The following DOCK3 variants were observed in gnomAD, a reference collection of about 807,000 sequenced individuals.
DOCK3 encodes the protein dedicator of cytokinesis protein 3.
In DOCK3, 60 loss-of-function variants were observed where a neutral mutation model predicts 265.6. The observed-to-expected ratio is 0.23, with a 90% CI of 0.18 to 0.28. DOCK3 has a LOEUF of 0.28. Ranked by LOEUF, DOCK3 falls within the 10% of genes least tolerant of loss-of-function variation. DOCK3 has a pLI of 1.00. For missense variants in DOCK3, 1,981 were observed against 2,594.3 expected (o/e 0.76, Z 5.14); for synonymous variants, 881 against 938.0 (o/e 0.94, Z 1.11).
At chr3:51,041,165 TA>T (rs1318018130) in intron 5 of DOCK3, among the ~76,000 whole-genome samples, 4 of 9,386 alleles carry the variant, frequency 4.3e-4, no homozygotes, top group East Asian at 5.9e-3. Flanking sequence ...ACAAAATGTA[TA>T]TATATATATA....
At chr3:50,919,100 G>A (rs990492385) in intron 4 of DOCK3, among the ~76,000 whole-genome samples, 24 of 152,108 alleles carry the variant, frequency 1.6e-4, no homozygotes, top group African/African-American at 2.9e-4. Flanking sequence ...TGAGGGCTCT[G>A]TTCTGTTCCA....
At chr3:51,010,963 C>T (rs750326040) in intron 5 of DOCK3, among the ~76,000 whole-genome samples, 5 of 152,166 alleles carry the variant, frequency 3.3e-5, no homozygotes, top group Non-Finnish European at 5.9e-5. Flanking sequence ...TCTCTTCTCG[C>T]TTGTGGGGTT....
intron 9 of DOCK3, among the ~76,000 whole-genome samples, chr3:51,126,944 C>T (rs2084292071): frequency 6.6e-6 from 1 of 151,970 alleles, no homozygotes; most frequent in Non-Finnish European, 1.5e-5. Flanking sequence ...CTGTTGTTCC[C>T]CTCTGTGGTA....
Position 51,028,793 on chromosome 3 carries a change from A to G in DOCK3, c.316-35655A>G, listed in dbSNP as rs543117124. Among the ~76,000 whole-genome samples the G allele has an allele frequency of 5.3e-5, 8 of 151,956 alleles. 1 individual carries two copies. Among genetic ancestry groups the G allele is most frequent in the Admixed American group, 5.2e-4 (8 of 15,272 alleles). On this transcript the variant is annotated intron_variant, in intron 5 of 52. Coordinates refer to ENST00000266037, the MANE Select transcript of DOCK3 (RefSeq NM_004947.5). ...GTTTGGTTCTTTTTTTAATATAGCT[A>G]TGTTGTCTTTCATATCTTGATCATT...
At chr3:51,261,668 A>G (rs2079854556) in intron 23 of DOCK3, among the ~76,000 whole-genome samples, 1 of 152,176 alleles carries the variant, frequency 6.6e-6, no homozygotes, top group Admixed American at 6.5e-5. Flanking sequence ...ACTGGCTTGA[A>G]ATTCTCACTG....
At chr3:51,010,238 A>G (rs1268676760) in intron 5 of DOCK3, among the ~76,000 whole-genome samples, 1 of 152,060 alleles carries the variant, frequency 6.6e-6, no homozygotes, top group Non-Finnish European at 1.5e-5. Flanking sequence ...TCCCATTATT[A>G]CTGTGTGGGA....
At chr3:51,119,356 C>T (rs1012670824) in intron 9 of DOCK3, among the ~76,000 whole-genome samples, 2 of 152,182 alleles carry the variant, frequency 1.3e-5, no homozygotes, top group African/African-American at 4.8e-5. Flanking sequence ...ATGGGCTTCT[C>T]TTTGTGGATA....
At chr3:50,852,990 T>C (rs945750386) in intron 3 of DOCK3, among the ~76,000 whole-genome samples, 11 of 152,208 alleles carry the variant, frequency 7.2e-5, no homozygotes, top group Non-Finnish European at 1.3e-4. Flanking sequence ...ACCAGGGTAA[T>C]TGGGATATAT....
At chr3:50,919,449 C>T (rs557294214) in intron 4 of DOCK3, among the ~76,000 whole-genome samples, 13 of 152,194 alleles carry the variant, frequency 8.5e-5, no homozygotes, top group Non-Finnish European at 4.4e-5. Context: ...GTTTGTAGTT[C>T]TCTTTGAAGA....
intron 2 of DOCK3, chr3:50,788,198 C>T (rs2042284083): frequency 2.6e-6 from 2 of 764,380 alleles, no homozygotes; most frequent in Non-Finnish European, 4.0e-6. Flanking sequence ...GGCACTTGCC[C>T]ATGACGGCTA....
In DOCK3 at chr3:50,774,038, CCAGAGTATA is replaced by C. The variant is rs550689109; in HGVS notation, c.38-4632_38-4624del. On this transcript the variant is annotated intron_variant, in intron 1 of 52. Coordinates refer to ENST00000266037, the MANE Select transcript of DOCK3 (RefSeq NM_004947.5). ...TACTTGCAAATATAGCCAAATATTC[CCAGAGTATA>C]CAGATTACCAATAGCAGTTTGGATG... is the stretch of plus-strand genomic sequence containing the variant. Among the ~76,000 whole-genome samples the C allele has an allele frequency of 4.7e-4, 72 of 151,964 alleles. No individual in the cohort carries two copies. In the South Asian group the frequency reaches 8.1e-3, roughly 17 times the overall value.
chr3:50,848,165 C>G (rs1051772133), intron 3 of DOCK3, among the ~76,000 whole-genome samples: 3 of 152,140 alleles, frequency 2.0e-5, no homozygotes, highest in Middle Eastern at 6.8e-3. Context: ...GTCTTCAGCC[C>G]TTTACCTTGA....
chr3:51,097,871 C>G (rs574392937), intron 9 of DOCK3, among the ~76,000 whole-genome samples: 1 of 152,296 alleles, frequency 6.6e-6, no homozygotes, highest in East Asian at 1.9e-4. Context: ...GGAGGGAGTT[C>G]CCTGACTCCT....
intron 22 of DOCK3, among the ~76,000 whole-genome samples, chr3:51,255,890 C>T (rs911017644): frequency 6.6e-6 from 1 of 152,208 alleles, no homozygotes; most frequent in Non-Finnish European, 1.5e-5. Context: ...CATTCTCCAT[C>T]CATCTTTGTT....
chr3:51,081,000 C>A (rs2082216037), intron 7 of DOCK3, among the ~76,000 whole-genome samples: 2 of 151,356 alleles, frequency 1.3e-5, no homozygotes, highest in African/African-American at 2.4e-5. Context: ...CTGGTGGAGA[C>A]TTGATTTTTA....
chr3:51,035,638 T>C (rs569155372), intron 5 of DOCK3, among the ~76,000 whole-genome samples: 1 of 152,306 alleles, frequency 6.6e-6, no homozygotes, highest in Non-Finnish European at 1.5e-5. Flanking sequence ...GGTTAATTTT[T>C]TATTGTGTCC....
intron 10 of DOCK3, among the ~76,000 whole-genome samples, chr3:51,150,508 ATG>A (rs2085528631): frequency 6.6e-6 from 1 of 152,154 alleles, no homozygotes; most frequent in Admixed American, 6.5e-5. Context: ...ACTGCTTTGA[ATG>A]TGTCCCAGAG....
chr3:50,962,752 C>A (rs1273656741), intron 5 of DOCK3, among the ~76,000 whole-genome samples: 1 of 152,144 alleles, frequency 6.6e-6, no homozygotes, highest in Non-Finnish European at 1.5e-5. Flanking sequence ...TACATGCTTT[C>A]ATCTCTTCTA....
At chr3:51,283,434 C>T (rs1406603486) in intron 27 of DOCK3, among the ~76,000 whole-genome samples, 4 of 152,186 alleles carry the variant, frequency 2.6e-5, no homozygotes, top group African/African-American at 9.7e-5. Flanking sequence ...GAAAAAGCAG[C>T]AATTTTATAT....
Sources: allele counts gnomAD v4.1 joint callset (sites outside exome capture counted in the v4.1 genomes callset), GRCh38; gene constraint gnomAD v4.1.1; transcripts MANE v1.5; gene names NCBI Gene and HGNC (gene_info 2026-07-23, HGNC 2026-07-21).